The following METTL24 variants were observed in gnomAD, a reference collection of about 807,000 sequenced individuals.
METTL24 encodes the protein methyltransferase like 24.
In METTL24, 29 loss-of-function variants were observed where a neutral mutation model predicts 32.7. The ratio of observed to expected loss-of-function variants is 0.89; its 90% CI spans 0.66 to 1.21. The LOEUF (loss-of-function observed/expected upper bound fraction) is 1.21, where lower values mean the gene tolerates loss of function less well. METTL24 is among the 50% of genes most tolerant of loss of function. METTL24 has a pLI of 0.00. For synonymous variants in METTL24, 163 were observed against 179.5 expected (o/e 0.91, Z 0.73); for missense variants, 439 against 468.1 (o/e 0.94, Z 0.57).
intron 4 of METTL24, among the ~76,000 whole-genome samples, chr6:110,282,191 C>T (rs1771147657): frequency 1.3e-5 from 2 of 152,102 alleles, no homozygotes; most frequent in Non-Finnish European, 2.9e-5. Flanking sequence ...TTTCCGAATC[C>T]AATCCAGAAA....
chr6:110,264,803 T>G (rs1770820778), intron 4 of METTL24, among the ~76,000 whole-genome samples: 1 of 152,112 alleles, frequency 6.6e-6, no homozygotes, highest in African/African-American at 2.4e-5. Context: ...TAAAAAATGA[T>G]GAGTTCATGT....
chr6:110,311,486 T>G (rs1771722491), intron 3 of METTL24, among the ~76,000 whole-genome samples: 1 of 142,828 alleles, frequency 7.0e-6, no homozygotes, highest in African/African-American at 2.6e-5. Flanking sequence ...TTTTTTTTTT[T>G]TTTTTGAGAC....
At chr6:110,307,058 A>G (rs1562232662) in intron 3 of METTL24, among the ~76,000 whole-genome samples, 1 of 152,234 alleles carries the variant, frequency 6.6e-6, no homozygotes, top group Non-Finnish European at 1.5e-5. Context: ...CCCTAAGTGA[A>G]ATAAAACTAT....
chr6:110,293,048 C>T (rs1771347974), intron 4 of METTL24, among the ~76,000 whole-genome samples: 2 of 151,774 alleles, frequency 1.3e-5, no homozygotes, highest in African/African-American at 4.8e-5. Flanking sequence ...CTTTATTACT[C>T]CTTTATCAGA....
chr6:110,311,468 G>GTTTTTTTTTTTTTT (rs1051868507), intron 3 of METTL24, among the ~76,000 whole-genome samples: 4 of 96,142 alleles, frequency 4.2e-5, no homozygotes, highest in Non-Finnish European at 6.0e-5. Context: ...TTCTTTCTTT[G>GTTTTTTTTTTTTTT]TTTTTTTTTT....
chr6:110,296,330 T>C (rs1033531832), intron 4 of METTL24, among the ~76,000 whole-genome samples: 7 of 152,228 alleles, frequency 4.6e-5, no homozygotes, highest in African/African-American at 9.6e-5. Flanking sequence ...CTGAAAAAAC[T>C]GTATGCTTAG....
intron 4 of METTL24, among the ~76,000 whole-genome samples, chr6:110,277,083 T>C (rs775124390): frequency 3.9e-5 from 6 of 152,142 alleles, no homozygotes; most frequent in African/African-American, 9.7e-5. Context: ...GAGTGTCCTA[T>C]AGTACATTAG....
At chr6:110,261,430 T>C (rs989166829) in intron 4 of METTL24, among the ~76,000 whole-genome samples, 2 of 152,198 alleles carry the variant, frequency 1.3e-5, no homozygotes, top group African/African-American at 2.4e-5. Context: ...CATAAATATA[T>C]ATGCACCCAA....
At chr6:110,280,271 A>G (rs1771114727) in intron 4 of METTL24, among the ~76,000 whole-genome samples, 2 of 152,160 alleles carry the variant, frequency 1.3e-5, no homozygotes, top group Non-Finnish European at 2.9e-5. Context: ...GAGTACATAA[A>G]CAGGCATGTG....
intron 4 of METTL24, 110 bp downstream of exon 4, chr6:110,298,812 A>G: frequency 1.1e-6 from 1 of 872,072 alleles, no homozygotes; most frequent in East Asian, 2.6e-5. Context: ...TAAGATTAAA[A>G]TCGGACCTTC....
intron 4 of METTL24, among the ~76,000 whole-genome samples, chr6:110,283,157 A>G (rs1771166328): frequency 6.6e-6 from 1 of 152,154 alleles, no homozygotes. Context: ...TGCTCTAAGA[A>G]TAGAAAGAAC....
intron 4 of METTL24, among the ~76,000 whole-genome samples, chr6:110,263,101 T>C (rs995689130): frequency 2.4e-4 from 37 of 152,288 alleles, no homozygotes; most frequent in Non-Finnish European, 4.1e-4. Context: ...TTCAACATAG[T>C]GTTGGAAGTT....
intron 3 of METTL24, among the ~76,000 whole-genome samples, chr6:110,311,474 T>TTG (rs1309260617): frequency 8.1e-5 from 11 of 136,360 alleles, no homozygotes; most frequent in African/African-American, 3.1e-4. Context: ...CTTTGTTTTT[T>TTG]TTTTTTTTTT....
At chr6:110,263,348 C>T (rs1711713530) in intron 4 of METTL24, among the ~76,000 whole-genome samples, 1 of 152,148 alleles carries the variant, frequency 6.6e-6, no homozygotes, top group Non-Finnish European at 1.5e-5. Context: ...AGAGCCAAAT[C>T]ATGACTGAAC....
chr6:110,280,815 C>G (rs1771124019), intron 4 of METTL24, among the ~76,000 whole-genome samples: 1 of 152,088 alleles, frequency 6.6e-6, no homozygotes, highest in Non-Finnish European at 1.5e-5. Context: ...CCACACCCAA[C>G]CAATGTTTCA....
chr6:110,319,089 G>A (rs1771881315), intron 2 of METTL24, among the ~76,000 whole-genome samples: 1 of 152,038 alleles, frequency 6.6e-6, no homozygotes, highest in South Asian at 2.1e-4. Flanking sequence ...TGGTATTTCT[G>A]CCAACCCATA....
chr6:110,290,884 T>C (rs1279607226), intron 4 of METTL24, among the ~76,000 whole-genome samples: 3 of 152,214 alleles, frequency 2.0e-5, no homozygotes, highest in Middle Eastern at 3.2e-3. Context: ...CATCAATCTT[T>C]TAAATTTTAG....
At chr6:110,357,279 TA>T (rs1772717178) in intron 1 of METTL24, 1 of 152,162 alleles carries the variant, frequency 6.6e-6, no homozygotes, top group Non-Finnish European at 1.5e-5. Context: ...GCCAAGAAGT[TA>T]ATGAGGTAGG....
chr6:110,301,106 T>C (rs1771509148), intron 3 of METTL24, among the ~76,000 whole-genome samples: 1 of 152,206 alleles, frequency 6.6e-6, no homozygotes, highest in Non-Finnish European at 1.5e-5. Context: ...CACTGCTCTT[T>C]TTCCGACTGC....
Sources: allele counts gnomAD v4.1 joint callset (sites outside exome capture counted in the v4.1 genomes callset), GRCh38; gene constraint gnomAD v4.1.1; transcripts MANE v1.5; gene names NCBI Gene and HGNC (gene_info 2026-07-23, HGNC 2026-07-21).